PLCG2: variants seen among roughly 807,000 people sequenced by gnomAD.
The protein encoded by PLCG2 is 1-phosphatidylinositol 4,5-bisphosphate phosphodiesterase gamma-2.
A neutral mutation model predicts 175.6 loss-of-function variants in PLCG2; 69 were observed. That is an observed-to-expected ratio of 0.39 (90% CI 0.32 to 0.48). The LOEUF (loss-of-function observed/expected upper bound fraction) is 0.48. Ranked by LOEUF, PLCG2 falls within the 20% of genes least tolerant of loss-of-function variation. The pLI, the probability that PLCG2 is intolerant of heterozygous loss-of-function variation, is 0.91. For missense variants in PLCG2, 1,798 were observed against 1,650.9 expected (o/e 1.09, Z -1.54); for synonymous variants, 827 against 624.0 (o/e 1.33, Z -4.85).
chr16:81,775,192 C>T (rs1454551957), upstream of PLCG2, among the ~76,000 whole-genome samples: 1 of 152,190 alleles, frequency 6.6e-6, no homozygotes, highest in East Asian at 1.9e-4. Context: ...TTCTTATCAT[C>T]CCAAAGAGCA....
intron 10 of PLCG2, among the ~76,000 whole-genome samples, chr16:81,890,864 T>G (rs1199762441): frequency 6.6e-6 from 1 of 152,172 alleles, no homozygotes. Flanking sequence ...CTATTATGCT[T>G]TAAATTGTAT....
At chr16:81,881,066 G>A (rs1285245364) in intron 8 of PLCG2, 113 bp downstream of exon 8, 1 of 1,097,590 alleles carries the variant, frequency 9.1e-7, no homozygotes, top group African/African-American at 1.6e-5. Context: ...CCTCCAAAGG[G>A]GCAGGGGGCC....
intron 1 of PLCG2, among the ~76,000 whole-genome samples, chr16:81,748,538 C>G (rs1419507739): frequency 1.3e-5 from 2 of 151,976 alleles, no homozygotes; most frequent in Admixed American, 1.3e-4. Flanking sequence ...GAGAGGAGAA[C>G]TGGTTTGGGG....
intron 1 of PLCG2, among the ~76,000 whole-genome samples, chr16:81,745,490 T>C (rs1422184529): frequency 6.6e-6 from 1 of 152,136 alleles, no homozygotes; most frequent in African/African-American, 2.4e-5. Context: ...CGAGATAACA[T>C]GGACCCTGAC....
intron 2 of PLCG2, among the ~76,000 whole-genome samples, chr16:81,815,537 C>G (rs1318850614): frequency 6.6e-6 from 1 of 152,198 alleles, no homozygotes; most frequent in Non-Finnish European, 1.5e-5. Context: ...CCTGCCCTGC[C>G]TGGGCTCTGT....
intron 14 of PLCG2, 92 bp downstream of exon 14, chr16:81,900,872 A>G (rs1013344366): frequency 9.4e-6 from 11 of 1,173,938 alleles, no homozygotes; most frequent in East Asian, 5.1e-5. Context: ...TCTATGTCCT[A>G]CTGGGCCTGC....
intron 2 of PLCG2, among the ~76,000 whole-genome samples, chr16:81,831,121 C>T (rs1042043718): frequency 6.6e-6 from 1 of 152,190 alleles, no homozygotes; most frequent in African/African-American, 2.4e-5. Context: ...GAGAGCCCCT[C>T]CCTCCTGGTC....
At chr16:81,806,068 T>C (rs962253956) in intron 2 of PLCG2, among the ~76,000 whole-genome samples, 3 of 152,154 alleles carry the variant, frequency 2.0e-5, no homozygotes, top group Admixed American at 1.3e-4. Context: ...GTATGCAATA[T>C]AATTATTAAC....
chr16:81,795,264 T>C (rs1328360783), intron 2 of PLCG2, among the ~76,000 whole-genome samples: 2 of 152,028 alleles, frequency 1.3e-5, no homozygotes, highest in Non-Finnish European at 2.9e-5. Flanking sequence ...TAATAAGGAG[T>C]CATTAGTCAG....
chr16:81,748,945 C>T (rs895011059), intron 1 of PLCG2, among the ~76,000 whole-genome samples: 1 of 152,192 alleles, frequency 6.6e-6, no homozygotes, highest in Non-Finnish European at 1.5e-5. Flanking sequence ...CTCCTTCCCT[C>T]CTGCAGGGGA....
At chr16:81,886,737 A>C (rs1455130382) in intron 9 of PLCG2, among the ~76,000 whole-genome samples, 11 of 152,176 alleles carry the variant, frequency 7.2e-5, no homozygotes, top group African/African-American at 2.4e-5. Flanking sequence ...CTGTTTCCCC[A>C]TTTATATAAC....
rs1338872708 is a variant in PLCG2, at chr16:81,958,100, C to T, written c.*102C>T. The T allele has an allele frequency of 1.2e-6, 1 of 819,120 alleles. No homozygotes were observed. The highest frequency in any genetic ancestry group is 2.1e-6 in the Non-Finnish European group (1 of 473,266). The allele number at this position is 819,120 out of a possible 1,614,324, so 50.7% of individuals were successfully genotyped here. ...ACTCTGGGAAGACGCTAATCTGTGA[C>T]ATCTTTTCTTCAAGCCTGCCATCAA... is the stretch of plus-strand genomic sequence containing the variant. On this transcript the variant is annotated 3_prime_UTR_variant, in exon 33 of 33. Transcript: ENST00000564138.
chr16:81,823,054 C>T (rs1904874797), intron 2 of PLCG2, among the ~76,000 whole-genome samples: 1 of 152,226 alleles, frequency 6.6e-6, no homozygotes, highest in Non-Finnish European at 1.5e-5. Flanking sequence ...ACTGAGTTTG[C>T]AGTAATTGGT....
chr16:81,905,395 C>G lies in PLCG2; in HGVS notation c.1363-8C>G, dbSNP rs762531268. Reference sequence around the variant, plus strand: ...TGGAGACAGCCTATGTATATGTTTTCCCCTCAGCATAAGAAGCTGGGCCCC... The same window carrying G: ...TGGAGACAGCCTATGTATATGTTTTGCCCTCAGCATAAGAAGCTGGGCCCC... On this transcript the variant is annotated splice_region_variant and splice_polypyrimidine_tract_variant and intron_variant, in intron 14 of 32. Transcript: ENST00000564138. 2 of 1,605,268 alleles carry G rather than the reference C, an allele frequency of 1.2e-6. No individual in the cohort carries two copies. Among genetic ancestry groups the G allele is most frequent in the South Asian group, 2.2e-5 (2 of 90,800 alleles).
chr16:81,917,179 C>T (rs1909878898), intron 19 of PLCG2, among the ~76,000 whole-genome samples: 2 of 150,978 alleles, frequency 1.3e-5, no homozygotes, highest in Non-Finnish European at 2.9e-5. Flanking sequence ...TTTCACACAG[C>T]ACAATGTCCT....
intron 2 of PLCG2, among the ~76,000 whole-genome samples, chr16:81,809,016 C>T (rs1904296151): frequency 6.6e-6 from 1 of 152,140 alleles, no homozygotes; most frequent in South Asian, 2.1e-4. Context: ...TATAATACTC[C>T]TATTCTAGGG....
intron 2 of PLCG2, among the ~76,000 whole-genome samples, chr16:81,802,573 T>C (rs1911780446): frequency 6.6e-6 from 1 of 152,150 alleles, no homozygotes; most frequent in South Asian, 2.1e-4. Flanking sequence ...TTTCTTTTTT[T>C]GTTTTTGTTT....
intron 32 of PLCG2, among the ~76,000 whole-genome samples, chr16:81,957,133 T>C (rs867351252): frequency 1.3e-5 from 2 of 151,964 alleles, no homozygotes; most frequent in African/African-American, 4.8e-5. Flanking sequence ...ACCCTGTCTC[T>C]ACTAAAAATA....
At chr16:81,880,152 G>T (rs1443455301) in intron 7 of PLCG2, among the ~76,000 whole-genome samples, 2 of 152,196 alleles carry the variant, frequency 1.3e-5, no homozygotes, top group Non-Finnish European at 2.9e-5. Flanking sequence ...AATACAGGAA[G>T]ATCATGTGAG....
Sources: gnomAD v4.1 joint callset for allele counts (sites outside exome capture counted in the v4.1 genomes callset) on GRCh38, gnomAD v4.1.1 for gene constraint, MANE v1.5 for transcripts, NCBI Gene and HGNC (gene_info 2026-07-23, HGNC 2026-07-21) for gene names.